Variants in IQSEC2 observed in about 807,000 individuals in gnomAD.
The protein encoded by IQSEC2 is IQ motif and Sec7 domain ArfGEF 2.
A neutral mutation model predicts 74.6 loss-of-function variants in IQSEC2; 6 were observed. The ratio of observed to expected loss-of-function variants is 0.08; its 90% CI spans 0.04 to 0.16. The LOEUF (loss-of-function observed/expected upper bound fraction) is 0.16. Ranked by LOEUF, IQSEC2 falls within the 10% of genes least tolerant of loss-of-function variation. The probability of loss-of-function intolerance (pLI) is 1.00; values close to 1 mark genes in which losing one functional copy is unlikely to be tolerated. For missense variants in IQSEC2, 734 were observed against 1,306.2 expected, an observed-to-expected ratio of 0.56 and a Z score of 6.75; for synonymous variants, 494 against 544.5, an observed-to-expected ratio of 0.91 and a Z score of 1.29.
intron 2 of IQSEC2, among the ~76,000 whole-genome samples, chrX:53,256,872 G>A (rs187878357): frequency 8.9e-6 from 1 of 112,503 alleles, no homozygotes; most frequent in African/African-American, 3.2e-5. Flanking sequence ...TCCACGCGTG[G>A]CAGGAGCTGG....
At chrX:53,229,807 T>C (rs1432079529), downstream of IQSEC2, 1 of 112,474 alleles carries the variant, frequency 8.9e-6, no homozygotes, top group Non-Finnish European at 1.9e-5. Context: ...GAGTAAAATT[T>C]AAGGAGTAAC....
At chrX:53,244,947 ACACACACACC>A (rs1330271388) in intron 8 of IQSEC2, among the ~76,000 whole-genome samples, 4 of 110,899 alleles carry the variant, frequency 3.6e-5, no homozygotes, top group African/African-American at 1.3e-4. Flanking sequence ...ACACATACAC[ACACACACACC>A]CACACACACA....
chrX:53,303,902 G>A (rs1421425500), intron 1 of IQSEC2, among the ~76,000 whole-genome samples: 6 of 110,661 alleles, frequency 5.4e-5, no homozygotes, highest in Admixed American at 9.7e-5. Flanking sequence ...AGGCTGAGGC[G>A]GGTGGATCAC....
In IQSEC2 at chrX:53,234,266, T is replaced by A; in HGVS notation, c.4420A>T (p.Ser1474Cys). The change falls in exon 15 of 15, where the codon AGT becomes TGT. Residue 1474 changes from serine to cysteine, a missense_variant. Physicochemically the swap from Ser to Cys is moderately radical, Grantham distance 112 (BLOSUM62 -1). Transcript: ENST00000642864. ...SGPPGTANPP[S>C]ANPKAKPSRI... The stretch of plus-strand genomic sequence containing the variant: ...CTTGGCTTGGCCTTGGGGTTTGCAC[T>A]GGGGGGGTTGGCTGTGCCAGGGGGC... The A allele has an allele frequency of 1.1e-6, 1 of 897,456 alleles. No individual in the cohort carries two copies. The highest frequency in any genetic ancestry group is 1.4e-6 in the Non-Finnish European group (1 of 716,829). 74.0% of individuals were successfully genotyped at this position (897,456 alleles called of 1,213,427 possible).
At chrX:53,230,124 C>T (rs781894227), downstream of IQSEC2, 2 of 112,472 alleles carry the variant, frequency 1.8e-5, no homozygotes, top group Non-Finnish European at 3.8e-5. Flanking sequence ...CTCCCTCCCT[C>T]CCTTCTCTAT....
chrX:53,256,755 C>T (rs1011689166), intron 2 of IQSEC2, among the ~76,000 whole-genome samples: 2 of 112,702 alleles, frequency 1.8e-5, no homozygotes, highest in Non-Finnish European at 3.8e-5. Context: ...CAGTGGGAGG[C>T]GCCTCCCATC....
chrX:53,256,558 C>A (rs910956126), intron 2 of IQSEC2, among the ~76,000 whole-genome samples: 2 of 111,394 alleles, frequency 1.8e-5, no homozygotes, highest in Admixed American at 9.5e-5. Context: ...AGCGCCACCC[C>A]CTCCCAGCCC....
intron 1 of IQSEC2, among the ~76,000 whole-genome samples, chrX:53,294,715 G>A (rs1321479642): frequency 4.5e-5 from 5 of 112,098 alleles, no homozygotes; most frequent in African/African-American, 1.6e-4. Flanking sequence ...TCTACAAGGA[G>A]AAGCAATAGA....
At chrX:53,264,540 C>T (rs2074625178) in intron 2 of IQSEC2, among the ~76,000 whole-genome samples, 1 of 107,005 alleles carries the variant, frequency 9.3e-6, no homozygotes, top group South Asian at 4.3e-4. Flanking sequence ...TACATTCACA[C>T]ACCCTGGAGA....
chrX:53,232,061 C>T (rs187077656), downstream of IQSEC2, among the ~76,000 whole-genome samples: 1 of 111,764 alleles, frequency 8.9e-6, no homozygotes, highest in East Asian at 2.8e-4. Flanking sequence ...TTCTCCTGCG[C>T]TAGGCTAAGA....
intron 1 of IQSEC2, among the ~76,000 whole-genome samples, chrX:53,304,988 G>C (rs868947222): frequency 1.1e-3 from 120 of 107,068 alleles, no homozygotes; most frequent in African/African-American, 3.8e-3. Flanking sequence ...GTGCAATCTC[G>C]GCTCACTGCA....
At chrX:53,264,339 C>T (rs1390345073) in intron 2 of IQSEC2, among the ~76,000 whole-genome samples, 1 of 107,579 alleles carries the variant, frequency 9.3e-6, no homozygotes, top group Admixed American at 9.9e-5. Context: ...CAAAACCCCA[C>T]CCCCTTCCCA....
Position 53,320,835 on chromosome X carries a change from A to G in IQSEC2, c.289T>C (p.Phe97Leu). Residue 97 changes from phenylalanine (F) to leucine (L), a missense_variant, in exon 1 of 15, where the codon TTC (phenylalanine) becomes CTC (leucine). This residue lies in a region of IQSEC2 where 134 missense variants were observed against 214.9 expected (regional missense o/e 0.62). Transcript: ENST00000642864. ...CTCTCCCGCAGCTCGCGGTGGTGGA[A>G]CTGGGTCTCGCGCAGGTTCTGGTAC... ...SQYQNLRETQ[F>L]HHRELRESQF... 8.6e-7 allele frequency: 1 copy of G among 1,162,465 alleles called. No individual in the cohort carries two copies. Among genetic ancestry groups the G allele is most frequent in the Non-Finnish European group, 1.1e-6 (1 of 870,460 alleles).
chrX:53,242,594 C>T (rs1313970057), intron 9 of IQSEC2, among the ~76,000 whole-genome samples: 3 of 111,614 alleles, frequency 2.7e-5, no homozygotes, highest in East Asian at 2.8e-4. Flanking sequence ...TTTCACACCC[C>T]GACTGGTCTG....
chrX:53,241,797 T>C lies in IQSEC2; in HGVS notation c.3002A>G (p.Asn1001Ser). The C allele has an allele frequency of 8.3e-7, 1 of 1,211,589 alleles. No homozygotes were observed. The highest frequency in any genetic ancestry group is 1.1e-6 in the Non-Finnish European group (1 of 895,413). ...CAGTGCTCATACCACAAGGAGATCA[T>C]TGAAGAGGAAGACCTCCCGCTGATG... ...GLHQREVFLF[N>S]DLLVVTKIFQ... is the part of the protein sequence containing the mutation. The change falls in exon 10 of 15, where the codon AAT (asparagine) becomes AGT (serine). Residue 1001 changes from asparagine to serine, a missense_variant. Around this residue, in one of 12 missense-constraint regions of IQSEC2, gnomAD observed 249 missense variants for 467.9 expected, o/e 0.53. Transcript: ENST00000642864.
rs782086070 is a variant in IQSEC2 at position 53,251,165 on chromosome X, G to A, written c.1411C>T (p.Leu471=). The change falls in exon 5 of 15, where the codon CTG becomes TTG. Residue 471 remains leucine, a synonymous_variant. Coordinates refer to ENST00000642864, the MANE Select transcript of IQSEC2 (RefSeq NM_001111125.3). ...EDSFSKQVKS[L]AESIDEALNC... The stretch of plus-strand genomic sequence containing the variant: ...AGGGCTTCGTCGATGGATTCAGCCA[G>A]AGACTTTACCTGTGCAAGGGGGGGA... 15 of 1,208,434 alleles carry A rather than the reference G, an allele frequency of 1.2e-5. No individual in the cohort carries two copies. The South Asian group carries it at 2.6e-4, about 21-fold the overall frequency.
intron 1 of IQSEC2, among the ~76,000 whole-genome samples, chrX:53,308,180 A>AAAAAAAG: frequency 9.3e-6 from 1 of 107,464 alleles, no homozygotes; most frequent in South Asian, 4.1e-4. Context: ...AAAAAAAAAA[A>AAAAAAAG]AAAAAAAGAA....
intron 2 of IQSEC2, among the ~76,000 whole-genome samples, chrX:53,258,126 C>T (rs2074506655): frequency 9.0e-6 from 1 of 111,690 alleles, no homozygotes; most frequent in African/African-American, 3.3e-5. Flanking sequence ...CCCATCGTCT[C>T]CGCCATCTGC....
At chrX:53,310,375 C>A (rs2075310190) in intron 1 of IQSEC2, among the ~76,000 whole-genome samples, 1 of 103,498 alleles carries the variant, frequency 9.7e-6, no homozygotes, top group Non-Finnish European at 2.0e-5. Flanking sequence ...TAGAAAGAGA[C>A]CCTGTCTCAA....
Sources: gnomAD v4.1 joint callset for allele counts (sites outside exome capture counted in the v4.1 genomes callset) on GRCh38, gnomAD v4.1.1 for gene constraint, gnomAD v4.1.1 regional missense constraint, MANE v1.5 for transcripts, NCBI Gene and HGNC (gene_info 2026-07-23, HGNC 2026-07-21) for gene names.